Variants in STAT2 observed in about 807,000 individuals in gnomAD.
The protein encoded by STAT2 is signal transducer and activator of transcription 2.
STAT2 carries 51 observed loss-of-function variants against 122.3 expected under a neutral mutation model. The observed-to-expected ratio is 0.42, with a 90% CI of 0.33 to 0.53. The LOEUF (loss-of-function observed/expected upper bound fraction) is 0.53, where lower values mean the gene tolerates loss of function less well. Ranked by LOEUF, STAT2 falls within the 20% of genes least tolerant of loss-of-function variation. STAT2 has a pLI of 0.10. For synonymous variants in STAT2, 351 were observed against 394.9 expected (o/e 0.89, Z 1.32); for missense variants, 736 against 1,010.3 (o/e 0.73, Z 3.68).
intron 10 of STAT2, 63 bp downstream of exon 10, chr12:56,351,035 G>T (rs1187028725): frequency 1.3e-6 from 2 of 1,591,300 alleles, no homozygotes; most frequent in East Asian, 2.2e-5. Flanking sequence ...GAGCTGTAAA[G>T]CCAGAAAATA....
In STAT2 at chr12:56,349,898, A is replaced by C; in HGVS notation, c.1209+199T>G. 4.6e-6 allele frequency: 3 copies of C among 645,510 alleles called. No homozygotes were observed. The South Asian group carries it at 5.7e-5, about 12-fold the overall frequency. The allele number at this position is 645,510 out of a possible 1,614,324, so 40.0% of individuals were successfully genotyped here. A position where few individuals can be genotyped will look rare whatever the true frequency, so the allele number is the denominator to read the frequency against. ...ACCCTATCTCTACTAAAAATACAAA[A>C]ATTAGCCGGGCATGGTGGTGTGTGC... On this transcript the variant is annotated intron_variant, in intron 13 of 23. Coordinates refer to ENST00000314128, the MANE Select transcript of STAT2 (RefSeq NM_005419.4).
Position 56,350,885 on chromosome 12 carries a change from C to T in STAT2, c.1038G>A (p.Leu346=), listed in dbSNP as rs1293478158. Residue 346 remains leucine (L), a synonymous_variant, in exon 11 of 24, where the codon CTG becomes CTA. Transcript: ENST00000314128. ...TGSKFTVRTR[L]LVRLQEGNES... is the part of the protein sequence containing the mutation. ...CATTGCCTTCCTGGAGTCTCACCAG[C>T]AGCCTGGGGGAAGGAAGGGGGATAG... 8 of 1,614,088 alleles carry T rather than the reference C, an allele frequency of 5.0e-6. No individual in the cohort carries two copies. The highest frequency in any genetic ancestry group is 6.8e-6 in the Non-Finnish European group (8 of 1,180,022).
chr12:56,354,793 C>T lies in STAT2; in HGVS notation c.618G>A (p.Leu206=). 6.2e-7 allele frequency: 1 copy of T among 1,614,126 alleles called. No individual in the cohort carries two copies. The highest frequency in any genetic ancestry group is 8.5e-7 in the Non-Finnish European group (1 of 1,180,032). Residue 206 remains leucine, a synonymous_variant, in exon 7 of 24, where the codon CTG becomes CTA. Transcript: ENST00000314128. The part of the protein sequence containing the change: ...QKILQETLNE[L]DKRRKEVLDA... ...TGTCTCCCACCTTTCTCCTTTTGTCCAGTTCATTGAGAGTTTCCTGCAGAA... is the reference window on the plus strand; with the variant it reads ...TGTCTCCCACCTTTCTCCTTTTGTCTAGTTCATTGAGAGTTTCCTGCAGAA...
At chr12:56,349,108 C>A (rs768970796) in intron 16 of STAT2, 49 bp from the exon 17 acceptor site, 3 of 1,613,750 alleles carry the variant, frequency 1.9e-6, no homozygotes, top group African/African-American at 1.3e-5. Flanking sequence ...ACCTATCACA[C>A]CAAGCTTCCA....
intron 22 of STAT2, among the ~76,000 whole-genome samples, chr12:56,345,524 A>AAAAAATATAT (rs1555169410): frequency 7.6e-5 from 2 of 26,250 alleles, no homozygotes; most frequent in East Asian, 2.3e-3. Context: ...AAAAAAAAAA[A>AAAAAATATAT]ATATATATAT....
In STAT2 at chr12:56,356,535, G is replaced by C; in HGVS notation, c.37C>G (p.Pro13Ala). 1 of 1,614,194 alleles carries C rather than the reference G, an allele frequency of 6.2e-7. No homozygotes were observed. Among genetic ancestry groups the C allele is most frequent in the African/African-American group, 1.3e-5 (1 of 75,056 alleles). The change falls in exon 2 of 24, where the codon CCC becomes GCC. Residue 13 changes from proline (P) to alanine (A), a missense_variant. Transcript: ENST00000314128. ...QWEMLQNLDS[P>A]FQDQLHQLYS... ...AGCTGGTGCAGCTGATCCTGAAAGG[G>C]GCTGTCAAGATTCTGCAGCATTTCC...
Position 56,343,345 on chromosome 12 carries a change from T to C in STAT2, c.*44A>G. The C allele has an allele frequency of 6.3e-7, 1 of 1,590,448 alleles. No homozygotes were observed. Among genetic ancestry groups the C allele is most frequent in the Non-Finnish European group, 8.6e-7 (1 of 1,165,030 alleles). On this transcript the variant is annotated 3_prime_UTR_variant, in exon 24 of 24. Transcript: ENST00000314128. The stretch of plus-strand genomic sequence containing the variant: ...GAGAACAATATCATGCTATGAGGAG[T>C]AGGAAGGGCAAGAGATATGAAAAGA...
In STAT2 at chr12:56,356,120, C is replaced by T. The variant is rs778839267; in HGVS notation, c.285+12G>A. ...CCAGTGCTACCCCATCACTCCCAAC[C>T]GTTCCAAGTACCTGAATGTCCCGGC... On this transcript the variant is annotated intron_variant, in intron 3 of 23. Transcript: ENST00000314128. 3.6e-5 allele frequency: 58 copies of T among 1,612,028 alleles called. No homozygotes were observed. Among genetic ancestry groups the T allele is most frequent in the Non-Finnish European group, 4.3e-5 (51 of 1,178,906 alleles).
At chr12:56,351,933 T>A (rs1190001501) in intron 8 of STAT2, among the ~76,000 whole-genome samples, 1 of 151,994 alleles carries the variant, frequency 6.6e-6, no homozygotes, top group East Asian at 1.9e-4. Flanking sequence ...TCTCTTGTCA[T>A]CCAGGCTGGA....
chr12:56,354,700 C>A, intron 7 of STAT2, 78 bp downstream of exon 7: 1 of 1,612,374 alleles, frequency 6.2e-7, no homozygotes, highest in Non-Finnish European at 8.5e-7. Context: ...AAGAAGCCAG[C>A]GCTAGAGGAC....
chr12:56,352,233 C>T (rs2136068951), intron 8 of STAT2, among the ~76,000 whole-genome samples: 1 of 151,810 alleles, frequency 6.6e-6, no homozygotes, highest in Admixed American at 6.6e-5. Context: ...ACTTTACTGT[C>T]TCTATAATTA....
rs1291366280 is a variant in STAT2 at position 56,354,035 on chromosome 12, AT to A, written c.782+430del. On this transcript the variant is annotated intron_variant, in intron 8 of 23. Coordinates refer to ENST00000314128, the MANE Select transcript of STAT2 (RefSeq NM_005419.4). ...AAAAAAAATATATATATATATATAT[AT>A]ATATAAAAAATACTGTTAAGCTTAA... Among the ~76,000 whole-genome samples, 25 of 84,842 alleles carry A rather than the reference AT, an allele frequency of 2.9e-4. 1 individual carries two copies. Among genetic ancestry groups the A allele is most frequent in the African/African-American group, 8.7e-4 (25 of 28,720 alleles). 55.7% of individuals were successfully genotyped at this position (84,842 alleles called of 152,430 possible).
chr12:56,350,251 A>G, intron 12 of STAT2, 61 bp from the exon 13 acceptor site: 1 of 1,473,384 alleles, frequency 6.8e-7, no homozygotes, highest in South Asian at 1.2e-5. Context: ...ACTCAGCAGA[A>G]AAAAAAAAAC....
Position 56,351,164 on chromosome 12 carries a change from C to A in STAT2, c.968G>T (p.Cys323Phe). Reference protein sequence around the residue: ...HRAFVVETQPCMPQTPHRPLI... With the variant: ...HRAFVVETQPFMPQTPHRPLI... ...GGGTCGATGGGGAGTTTGGGGCATG[C>A]AGGGCTGGGTTTCTACCACAAAGGC... Residue 323 changes from cysteine (C) to phenylalanine (F), a missense_variant, in exon 10 of 24, where the codon TGC becomes TTC. Transcript: ENST00000314128. The A allele has an allele frequency of 6.2e-7, 1 of 1,613,992 alleles. No homozygotes were observed. Among genetic ancestry groups the A allele is most frequent in the Non-Finnish European group, 8.5e-7 (1 of 1,179,970 alleles).
intron 4 of STAT2, 59 bp downstream of exon 4, chr12:56,355,649 C>T: frequency 6.3e-7 from 1 of 1,598,398 alleles, no homozygotes; most frequent in Non-Finnish European, 8.6e-7. Context: ...TCCCTGAGTC[C>T]TTTCCATGGT....
Position 56,346,975 on chromosome 12 carries a change from TGTGAGACACCGCCCAACACCCTG to T in STAT2, c.1725-43_1725-21del. The T allele has an allele frequency of 6.2e-7, 1 of 1,613,538 alleles. No individual in the cohort carries two copies. The highest frequency in any genetic ancestry group is 8.5e-7 in the Non-Finnish European group (1 of 1,179,614). On this transcript the variant is annotated intron_variant, in intron 19 of 23. Transcript: ENST00000314128. ...ATGCGTCTGGAGCACAGAGAGCAGC[TGTGAGACACCGCCCAACACCCTG>T]CCCCACCAGGCCCCTGCCTCCCTGC...
chr12:56,349,291 G>A (rs377709299), intron 15 of STAT2, 30 bp from the exon 16 acceptor site: 8 of 1,614,000 alleles, frequency 5.0e-6, no homozygotes, highest in South Asian at 3.3e-5. Context: ...CACAGAGAGG[G>A]ATGTGATGTT....
rs971417454 is a variant in STAT2, at chr12:56,342,762, G to C, written c.*627C>G. The stretch of plus-strand genomic sequence containing the variant: ...GAGGAACAGGTACAGCCAGCTTAGG[G>C]GCAGAGTAGGGGAGGAGACTGGTAA... On this transcript the variant is annotated 3_prime_UTR_variant, in exon 24 of 24. Transcript: ENST00000314128. The C allele has an allele frequency of 6.6e-6, 1 of 152,236 alleles. No homozygotes were observed. Among genetic ancestry groups the C allele is most frequent in the Non-Finnish European group, 1.5e-5 (1 of 68,104 alleles). The allele number at this position is 152,236 out of a possible 1,614,324, so 9.4% of individuals were successfully genotyped here. A position where few individuals can be genotyped will look rare whatever the true frequency, so the allele number is the denominator to read the frequency against.
rs764495997 is a variant in STAT2, at chr12:56,346,115, A to G, written c.2102+31T>C. The G allele has an allele frequency of 3.1e-6, 5 of 1,614,152 alleles. No homozygotes were observed. The East Asian group carries it at 8.9e-5, about 29-fold the overall frequency. On this transcript the variant is annotated intron_variant, in intron 22 of 23. Transcript: ENST00000314128. ...CACTGAAGCAGAGCCAAAAAGGATT[A>G]GGGAGGATGAATGAAGAGTTCATAT...
Sources: allele counts gnomAD v4.1 joint callset (sites outside exome capture counted in the v4.1 genomes callset), GRCh38; gene constraint gnomAD v4.1.1; transcripts MANE v1.5; gene names NCBI Gene and HGNC (gene_info 2026-07-23, HGNC 2026-07-21).